FHIT: variants seen among roughly 807,000 people sequenced by gnomAD.
FHIT encodes bis(5'-adenosyl)-triphosphatase.
A neutral mutation model predicts 17.9 loss-of-function variants in FHIT; 19 were observed. The observed-to-expected ratio is 1.06, with a 90% confidence interval of 0.74 to 1.56. The LOEUF (loss-of-function observed/expected upper bound fraction) is 1.56. Among genes scored for constraint, FHIT ranks in the 40% most tolerant of loss-of-function variants. The probability of loss-of-function intolerance (pLI) is 0.00; values close to 1 mark genes in which losing one functional copy is unlikely to be tolerated. For synonymous variants in FHIT, 81 were observed against 69.7 expected (o/e 1.16, Z -0.81); for missense variants, 248 against 189.2 (o/e 1.31, Z -1.82).
intron 5 of FHIT, among the ~76,000 whole-genome samples, chr3:60,406,501 G>T (rs1701862166): frequency 6.6e-6 from 1 of 152,154 alleles, no homozygotes; most frequent in African/African-American, 2.4e-5. Context: ...GAGACACACG[G>T]CACTTCAGAG....
chr3:59,848,099 G>C (rs114534462), intron 8 of FHIT, among the ~76,000 whole-genome samples: 3,130 of 152,224 alleles, frequency 0.021, 112 homozygotes, highest in African/African-American at 0.071. Context: ...ATATTTGCAG[G>C]ATAGAGTCCT....
intron 3 of FHIT, among the ~76,000 whole-genome samples, chr3:60,990,750 C>T (rs1293831700): frequency 1.3e-5 from 2 of 152,194 alleles, no homozygotes; most frequent in African/African-American, 4.8e-5. Flanking sequence ...GTGCCCAGCT[C>T]CCCTCCTGCC....
At chr3:59,897,278 G>T (rs1575659909) in intron 8 of FHIT, among the ~76,000 whole-genome samples, 2 of 152,110 alleles carry the variant, frequency 1.3e-5, no homozygotes, top group African/African-American at 4.8e-5. Flanking sequence ...TTAGCCACAG[G>T]CTGCCAAATT....
At chr3:60,442,120 A>G (rs2030937093) in intron 5 of FHIT, among the ~76,000 whole-genome samples, 1 of 151,774 alleles carries the variant, frequency 6.6e-6, no homozygotes, top group African/African-American at 2.4e-5. Context: ...TCAGCCTCCC[A>G]AAGCACTGGG....
At chr3:61,227,817 G>A (rs769889243) in intron 1 of FHIT, among the ~76,000 whole-genome samples, 3 of 152,070 alleles carry the variant, frequency 2.0e-5, no homozygotes, top group South Asian at 2.1e-4. Flanking sequence ...ACTAAAGCCC[G>A]AGTGTGATGT....
At chr3:61,226,871 C>G (rs1480677103) in intron 1 of FHIT, among the ~76,000 whole-genome samples, 2 of 152,092 alleles carry the variant, frequency 1.3e-5, no homozygotes, top group South Asian at 4.1e-4. Flanking sequence ...GAGCCAGACA[C>G]TGAAATGGGT....
At chr3:60,095,234 T>C (rs1703895703) in intron 5 of FHIT, among the ~76,000 whole-genome samples, 1 of 152,206 alleles carries the variant, frequency 6.6e-6, no homozygotes, top group African/African-American at 2.4e-5. Context: ...TCTAGGATTC[T>C]AGATAGCTTT....
At chr3:59,909,953 G>A (rs1337055548) in intron 8 of FHIT, among the ~76,000 whole-genome samples, 3 of 152,004 alleles carry the variant, frequency 2.0e-5, no homozygotes, top group Non-Finnish European at 4.4e-5. Flanking sequence ...TTAATTTCAA[G>A]GTACATGTGC....
intron 7 of FHIT, among the ~76,000 whole-genome samples, chr3:59,935,263 C>T (rs564622064): frequency 9.2e-5 from 14 of 152,262 alleles, no homozygotes; most frequent in African/African-American, 2.9e-4. Flanking sequence ...AGATTTGTCA[C>T]CCTTGTGCTT....
Position 60,175,761 on chromosome 3 carries a change from G to A in FHIT, c.104-161609C>T, listed in dbSNP as rs775407210. ...ATATCACCAACAAATCGTTCACCAAGTTAGAAGCTGAAGCATTTTAAAACT... is the reference window on the plus strand; with the variant it reads ...ATATCACCAACAAATCGTTCACCAAATTAGAAGCTGAAGCATTTTAAAACT... On this transcript the variant is annotated intron_variant, in intron 5 of 9. Coordinates refer to ENST00000492590, the MANE Select transcript of FHIT (RefSeq NM_002012.4). Among the ~76,000 whole-genome samples, 110 of 152,116 alleles carry A rather than the reference G, an allele frequency of 7.2e-4. 5 individuals are homozygous for A. Among genetic ancestry groups the A allele is most frequent in the Non-Finnish European group, 2.4e-4 (16 of 68,018 alleles).
chr3:60,559,959 G>A (rs377515157), intron 4 of FHIT, among the ~76,000 whole-genome samples: 7 of 152,216 alleles, frequency 4.6e-5, no homozygotes, highest in African/African-American at 9.6e-5. Context: ...CCAGGCTGTT[G>A]GGGAAAGGCC....
intron 3 of FHIT, among the ~76,000 whole-genome samples, chr3:60,926,036 G>T (rs1707588694): frequency 6.6e-6 from 1 of 152,062 alleles, no homozygotes. Flanking sequence ...CCCAATACAG[G>T]AGCACCCAGA....
At chr3:60,710,035 G>GTTCTTTC (rs1262234207) in intron 4 of FHIT, among the ~76,000 whole-genome samples, 1 of 134,246 alleles carries the variant, frequency 7.4e-6, no homozygotes, top group Non-Finnish European at 1.5e-5. Flanking sequence ...CACAGCAGCA[G>GTTCTTTC]TTCTTTCTGC....
chr3:60,668,694 T>G (rs1324529300), intron 4 of FHIT, among the ~76,000 whole-genome samples: 1 of 151,400 alleles, frequency 6.6e-6, no homozygotes, highest in Non-Finnish European at 1.5e-5. Context: ...CCCAAGTAGC[T>G]GGGACTACAA....
At chr3:60,963,127 G>A (rs1382659534) in intron 3 of FHIT, among the ~76,000 whole-genome samples, 1 of 152,174 alleles carries the variant, frequency 6.6e-6, no homozygotes, top group Non-Finnish European at 1.5e-5. Context: ...GGTCTATTAA[G>A]GGATTCAACT....
chr3:61,127,888 G>C (rs919536346), intron 2 of FHIT, among the ~76,000 whole-genome samples: 5 of 151,574 alleles, frequency 3.3e-5, no homozygotes, highest in African/African-American at 1.2e-4. Context: ...AGAAGAAGAA[G>C]AACTTTGTAT....
At chr3:60,832,106 C>T (rs190561048) in intron 3 of FHIT, among the ~76,000 whole-genome samples, 141 of 152,098 alleles carry the variant, frequency 9.3e-4, no homozygotes, top group Non-Finnish European at 1.6e-3. Context: ...ATATAATGCT[C>T]ATTATGTGCT....
At chr3:59,861,306 G>A (rs377555728) in intron 8 of FHIT, among the ~76,000 whole-genome samples, 3 of 152,146 alleles carry the variant, frequency 2.0e-5, no homozygotes, top group East Asian at 3.9e-4. Context: ...GGGAGGCTGT[G>A]GAATAGGCAG....
At chr3:60,325,825 T>C (rs958486700) in intron 5 of FHIT, among the ~76,000 whole-genome samples, 7 of 152,236 alleles carry the variant, frequency 4.6e-5, no homozygotes, top group Non-Finnish European at 7.3e-5. Context: ...ATTCGCTTTA[T>C]AGGATAATCA....
Sources: gnomAD v4.1 joint callset for allele counts (sites outside exome capture counted in the v4.1 genomes callset) on GRCh38, gnomAD v4.1.1 for gene constraint, MANE v1.5 for transcripts, NCBI Gene and HGNC (gene_info 2026-07-23, HGNC 2026-07-21) for gene names.